Variants in CHD1 observed in about 807,000 individuals in gnomAD.
The protein encoded by CHD1 is ATP-dependent chromatin remodeler CHD1.
Under a neutral mutation model 224.2 loss-of-function variants are expected in CHD1, and 36 were observed. The ratio of observed to expected loss-of-function variants is 0.16; its 90% CI spans 0.12 to 0.21. The LOEUF (loss-of-function observed/expected upper bound fraction) is 0.21, where lower values mean the gene tolerates loss of function less well. CHD1 is among the 10% of genes least tolerant of loss of function. CHD1 has a pLI of 1.00. For missense variants in CHD1, 1,378 were observed against 1,994.8 expected, an observed-to-expected ratio of 0.69 and a Z score of 5.89; for synonymous variants, 668 against 658.3, an observed-to-expected ratio of 1.01 and a Z score of -0.23.
chr5:98,892,268 T>C (rs1475591391), intron 15 of CHD1, among the ~76,000 whole-genome samples: 2 of 152,206 alleles, frequency 1.3e-5, no homozygotes, highest in East Asian at 1.9e-4. Context: ...CTTTATAAGA[T>C]AACAGTATGA....
chr5:98,899,846 T>C (rs1283568035), intron 7 of CHD1, 141 bp from the exon 8 acceptor site: 11 of 591,208 alleles, frequency 1.9e-5, no homozygotes, highest in Non-Finnish European at 2.9e-5. Context: ...TTATGGGAAA[T>C]TCTATTGCTC....
chr5:98,870,717 A>T lies in CHD1; in HGVS notation c.3948T>A (p.Asp1316Glu). The change falls in exon 29 of 36, where the codon GAT becomes GAA. Residue 1316 changes from aspartate (D) to glutamate (E), a missense_variant. Asp to Glu is a conservative substitution (Grantham distance 45). Around this residue, in one of 16 missense-constraint regions of CHD1, gnomAD observed 286 missense variants for 445.1 expected, o/e 0.64. Coordinates refer to ENST00000614616, the MANE Select transcript of CHD1 (RefSeq NM_001270.4). Reference sequence around the variant, plus strand: ...CAGAAAGAGCTTCTTTTTTTGCAAGATCTCTACTAAGTAATTTGATGAGGT... The same window carrying T: ...CAGAAAGAGCTTCTTTTTTTGCAAGTTCTCTACTAAGTAATTTGATGAGGT... ...ADYLIKLLSR[D>E]LAKKEALSGA... 2 of 1,605,396 alleles carry T rather than the reference A, an allele frequency of 1.2e-6. No individual in the cohort carries two copies. The highest frequency in any genetic ancestry group is 1.7e-6 in the Non-Finnish European group (2 of 1,175,718).
intron 3 of CHD1, among the ~76,000 whole-genome samples, 194 bp from the exon 4 acceptor site, chr5:98,904,102 A>T (rs1751894972): frequency 6.6e-6 from 1 of 152,222 alleles, no homozygotes; most frequent in Non-Finnish European, 1.5e-5. Flanking sequence ...GTATAAAAAA[A>T]AATGGTGTGT....
intron 8 of CHD1, 23 bp downstream of exon 8, chr5:98,899,457 T>A (rs1381628579): frequency 1.5e-6 from 2 of 1,353,928 alleles, no homozygotes; most frequent in Non-Finnish European, 1.1e-6. Flanking sequence ...TTAAAAGAAG[T>A]ATATGATATA....
chr5:98,890,057 G>A (rs1384910634), intron 15 of CHD1, among the ~76,000 whole-genome samples: 2 of 152,134 alleles, frequency 1.3e-5, no homozygotes, highest in Non-Finnish European at 2.9e-5. Context: ...CTAGAGGGGG[G>A]AAGGAGGGGA....
At chr5:98,867,666 C>G (rs937329479) in intron 31 of CHD1, among the ~76,000 whole-genome samples, 1 of 152,034 alleles carries the variant, frequency 6.6e-6, no homozygotes. Context: ...TGTTAAACCC[C>G]TCTTCTTAAA....
At chr5:98,911,140 A>T (rs1276366620) in intron 2 of CHD1, among the ~76,000 whole-genome samples, 11 of 83,210 alleles carry the variant, frequency 1.3e-4, no homozygotes, top group Non-Finnish European at 2.1e-4. Flanking sequence ...GAAAAAAAAA[A>T]AAAAAAATAT....
intron 2 of CHD1, among the ~76,000 whole-genome samples, chr5:98,923,711 C>T (rs1753260030): frequency 6.6e-6 from 1 of 152,122 alleles, no homozygotes; most frequent in African/African-American, 2.4e-5. Flanking sequence ...CCGCACCCGG[C>T]CACAAGGTTT....
At chr5:98,903,942 G>C (rs1751884636) in intron 3 of CHD1, 34 bp from the exon 4 acceptor site, 1 of 1,382,638 alleles carries the variant, frequency 7.2e-7, no homozygotes. Flanking sequence ...GAATGAAGAA[G>C]TATTAAGAAA....
chr5:98,867,817 T>TG (rs1284027419), intron 31 of CHD1, among the ~76,000 whole-genome samples: 1 of 149,408 alleles, frequency 6.7e-6, no homozygotes, highest in African/African-American at 2.5e-5. Context: ...TTTTTTTTTT[T>TG]TGAGATAGAG....
At chr5:98,881,906 G>T in intron 20 of CHD1, 69 bp downstream of exon 20, 1 of 1,330,540 alleles carries the variant, frequency 7.5e-7, no homozygotes, top group Non-Finnish European at 1.1e-6. Context: ...GATCTACAGT[G>T]ATGTAACATA....
chr5:98,901,827 T>A (rs989622910), intron 5 of CHD1, among the ~76,000 whole-genome samples: 1 of 151,840 alleles, frequency 6.6e-6, no homozygotes, highest in Non-Finnish European at 1.5e-5. Context: ...TTATTTTTAG[T>A]CTATTAAGTC....
At chr5:98,903,309 TGTTA>T (rs1049952276) in intron 4 of CHD1, among the ~76,000 whole-genome samples, 51 of 150,570 alleles carry the variant, frequency 3.4e-4, no homozygotes, top group African/African-American at 1.2e-3. Flanking sequence ...CATTACTTTT[TGTTA>T]TAATTTTTCC....
chr5:98,903,339 A>G (rs531299563), intron 4 of CHD1, among the ~76,000 whole-genome samples: 10 of 152,316 alleles, frequency 6.6e-5, no homozygotes, highest in South Asian at 6.2e-4. Flanking sequence ...GTTTTTGTGC[A>G]AACATACATG....
Position 98,901,024 on chromosome 5 carries a change from A to G in CHD1, c.646T>C (p.Ser216Pro). 1 of 1,612,774 alleles carries G rather than the reference A, an allele frequency of 6.2e-7. No individual in the cohort carries two copies. Among genetic ancestry groups the G allele is most frequent in the African/African-American group, 1.3e-5 (1 of 74,864 alleles). ...TCTTCTTCATCATCATCCTCCTCAG[A>G]TGAATCAATCTGTCTCTTTTTTTGT... Reference protein sequence around the residue: ...LGQKKRQIDSSEEDDDEEDYD... With the variant: ...LGQKKRQIDSPEEDDDEEDYD... Residue 216 changes from serine to proline, a missense_variant, in exon 7 of 36, where the codon TCT becomes CCT. This residue lies in a region of CHD1 where 306 missense variants were observed against 298.1 expected (regional missense o/e 1.03). Coordinates refer to ENST00000614616, the MANE Select transcript of CHD1 (RefSeq NM_001270.4).
intron 32 of CHD1, 99 bp downstream of exon 32, chr5:98,863,304 AATTAT>A: frequency 1.5e-6 from 1 of 663,440 alleles, no homozygotes; most frequent in Admixed American, 3.9e-5. Context: ...CCTCTTTAAA[AATTAT>A]CTTGTTACCT....
At position 98,869,622 on chromosome 5, in the gene CHD1, G is replaced by GCACACACACA. The variant is rs113502266; in HGVS notation, c.4107+122_4107+131dup. ...TATAAGTGCGTGCGCACGTGCGCGC[G>GCACACACACA]CACACACACACACACACACACACAC... On this transcript the variant is annotated intron_variant, in intron 30 of 35. Coordinates refer to ENST00000614616, the MANE Select transcript of CHD1 (RefSeq NM_001270.4). 9.3e-5 allele frequency: 67 copies of GCACACACACA among 718,076 alleles called. No individual in the cohort carries two copies. The African/African-American group carries it at 1.1e-3, about 11-fold the overall frequency. 44.5% of individuals were successfully genotyped at this position (718,076 alleles called of 1,614,324 possible). A position where few individuals can be genotyped will look rare whatever the true frequency, so the allele number is the denominator to read the frequency against.
At chr5:98,911,138 A>ATATATATATAT (rs1477381065) in intron 2 of CHD1, among the ~76,000 whole-genome samples, 1 of 84,178 alleles carries the variant, frequency 1.2e-5, no homozygotes, top group Non-Finnish European at 2.3e-5. Flanking sequence ...ATGAAAAAAA[A>ATATATATATAT]AAAAAAAAAT....
At chr5:98,922,321 G>GT (rs1425722292) in intron 2 of CHD1, among the ~76,000 whole-genome samples, 1 of 152,170 alleles carries the variant, frequency 6.6e-6, no homozygotes, top group East Asian at 1.9e-4. Flanking sequence ...GTGTTGAGCT[G>GT]TAACTGTTAT....
Sources: allele counts gnomAD v4.1 joint callset (sites outside exome capture counted in the v4.1 genomes callset), GRCh38; gene constraint gnomAD v4.1.1; regional missense constraint gnomAD v4.1.1; transcripts MANE v1.5; gene names NCBI Gene and HGNC (gene_info 2026-07-23, HGNC 2026-07-21).